AGBL1: variants seen among roughly 807,000 people sequenced by gnomAD.
AGBL1 encodes AGBL carboxypeptidase 1, also known as cytosolic carboxypeptidase 4.
A neutral mutation model predicts 118.9 loss-of-function variants in AGBL1; 130 were observed. That is an observed-to-expected ratio of 1.09 (90% CI 0.95 to 1.26). The LOEUF (loss-of-function observed/expected upper bound fraction) is 1.26, where lower values mean the gene tolerates loss of function less well. Ranked by LOEUF, AGBL1 falls within the 50% of genes most tolerant of loss-of-function variation. The probability of loss-of-function intolerance (pLI) is 0.00; values close to 1 mark genes in which losing one functional copy is unlikely to be tolerated. For missense variants in AGBL1, 1,584 were observed against 1,298.1 expected (o/e 1.22, Z -3.38); for synonymous variants, 555 against 478.9 (o/e 1.16, Z -2.08).
At chr15:86,879,390 C>A (rs761100119) in intron 22 of AGBL1, among the ~76,000 whole-genome samples, 29 of 152,108 alleles carry the variant, frequency 1.9e-4, no homozygotes, top group Non-Finnish European at 4.0e-4. Flanking sequence ...AAAGAACTTA[C>A]CTGCTGAGTG....
chr15:86,722,115 C>T (rs535103612), intron 22 of AGBL1, among the ~76,000 whole-genome samples: 36 of 152,266 alleles, frequency 2.4e-4, no homozygotes, highest in African/African-American at 8.4e-4. Context: ...CCATCCCCAT[C>T]AAGCTACCAA....
intron 21 of AGBL1, among the ~76,000 whole-genome samples, chr15:86,567,666 G>C (rs1366365568): frequency 6.6e-6 from 1 of 152,044 alleles, no homozygotes; most frequent in Non-Finnish European, 1.5e-5. Context: ...TTTGATCTTT[G>C]AATGGGGGAG....
At chr15:86,167,525 C>T (rs2077358493) in intron 5 of AGBL1, among the ~76,000 whole-genome samples, 3 of 152,334 alleles carry the variant, frequency 2.0e-5, no homozygotes, top group South Asian at 4.1e-4. Flanking sequence ...GGATTATAGG[C>T]GTGAACCGCC....
chr15:86,674,242 T>G, intron 21 of AGBL1, 31 bp from the exon 22 acceptor site: 1 of 1,584,228 alleles, frequency 6.3e-7, no homozygotes, highest in Non-Finnish European at 8.6e-7. Context: ...CATTATACGT[T>G]GCCACAGTTA....
At chr15:86,496,401 G>T (rs2082855843) in intron 18 of AGBL1, among the ~76,000 whole-genome samples, 1 of 152,006 alleles carries the variant, frequency 6.6e-6, no homozygotes, top group African/African-American at 2.4e-5. Context: ...TGTGAAAATT[G>T]ATTAATACAC....
intron 19 of AGBL1, among the ~76,000 whole-genome samples, chr15:86,528,047 G>A (rs947336872): frequency 3.3e-5 from 5 of 152,124 alleles, no homozygotes; most frequent in Non-Finnish European, 5.9e-5. Context: ...ATGGTGCTAC[G>A]TGTCAGGGAT....
chr15:86,735,894 A>C (rs1302626939), intron 22 of AGBL1, among the ~76,000 whole-genome samples: 2 of 152,038 alleles, frequency 1.3e-5, no homozygotes, highest in African/African-American at 2.4e-5. Context: ...TAAAGTAGAA[A>C]TGAGATACGA....
intron 23 of AGBL1, among the ~76,000 whole-genome samples, chr15:86,961,614 T>C (rs1017029129): frequency 2.0e-5 from 3 of 152,088 alleles, no homozygotes; most frequent in African/African-American, 7.2e-5. Flanking sequence ...CTTAGAACCC[T>C]TTCCCTGACC....
chr15:86,271,596 A>T, intron 14 of AGBL1, 23 bp from the exon 15 acceptor site: 1 of 1,566,822 alleles, frequency 6.4e-7, no homozygotes, highest in Non-Finnish European at 8.8e-7. Flanking sequence ...CTCATGGATT[A>T]ATTCCTTTCT....
At chr15:86,652,274 G>C (rs1184448926) in intron 21 of AGBL1, among the ~76,000 whole-genome samples, 2 of 152,066 alleles carry the variant, frequency 1.3e-5, no homozygotes, top group African/African-American at 4.8e-5. Flanking sequence ...GCTGTGACAT[G>C]ACTTCCACTT....
chr15:86,794,797 G>A (rs2078546158), intron 22 of AGBL1, among the ~76,000 whole-genome samples: 1 of 152,154 alleles, frequency 6.6e-6, no homozygotes, highest in Non-Finnish European at 1.5e-5. Context: ...TAGGTAGCTG[G>A]ATGAAAGTAA....
At chr15:86,265,376 G>A (rs183620840) in intron 11 of AGBL1, among the ~76,000 whole-genome samples, 6 of 152,214 alleles carry the variant, frequency 3.9e-5, no homozygotes, top group African/African-American at 7.2e-5. Flanking sequence ...AATTCTCCAG[G>A]GAAGAAACAC....
At chr15:86,578,601 A>G (rs1006215238) in intron 21 of AGBL1, among the ~76,000 whole-genome samples, 1 of 152,294 alleles carries the variant, frequency 6.6e-6, no homozygotes. Context: ...TGCATATCTC[A>G]TGTTGAATTC....
chr15:86,848,236 T>A (rs2347245), intron 22 of AGBL1, among the ~76,000 whole-genome samples: 31,979 of 152,090 alleles, frequency 0.21, 3,497 homozygotes, highest in Admixed American at 0.28. Context: ...TCCTCGACTT[T>A]GTGTATGCAT....
intron 1 of AGBL1, among the ~76,000 whole-genome samples, chr15:86,104,412 G>C (rs955681685): frequency 6.6e-6 from 1 of 152,194 alleles, no homozygotes; most frequent in Non-Finnish European, 1.5e-5. Flanking sequence ...GTTGATGGCT[G>C]CAGGTAGGGT....
At chr15:86,775,560 A>G (rs994982429) in intron 22 of AGBL1, among the ~76,000 whole-genome samples, 2 of 152,026 alleles carry the variant, frequency 1.3e-5, no homozygotes, top group Non-Finnish European at 2.9e-5. Context: ...ATACTCTCTG[A>G]AGAAGATCAC....
chr15:86,691,927 T>C (rs2086179013), intron 22 of AGBL1, among the ~76,000 whole-genome samples: 1 of 152,076 alleles, frequency 6.6e-6, no homozygotes, highest in Non-Finnish European at 1.5e-5. Flanking sequence ...TTAAGGTGGT[T>C]CTTAAAAATA....
chr15:86,651,255 G>T (rs958087558), intron 21 of AGBL1, among the ~76,000 whole-genome samples: 4 of 152,112 alleles, frequency 2.6e-5, no homozygotes, highest in Non-Finnish European at 4.4e-5. Flanking sequence ...TGTGGGCCCT[G>T]CAGGGGTCAC....
At chr15:86,883,710 G>A (rs1015238259) in intron 22 of AGBL1, among the ~76,000 whole-genome samples, 2 of 152,098 alleles carry the variant, frequency 1.3e-5, no homozygotes, top group African/African-American at 4.8e-5. Flanking sequence ...TGGAAGAAAG[G>A]TTGCTTTTCT....
Sources: allele counts gnomAD v4.1 joint callset (sites outside exome capture counted in the v4.1 genomes callset), GRCh38; gene constraint gnomAD v4.1.1; transcripts MANE v1.5; gene names NCBI Gene and HGNC (gene_info 2026-07-23, HGNC 2026-07-21).